SLC22A25: variants seen among roughly 807,000 people sequenced by gnomAD.
SLC22A25 encodes solute carrier family 22 member 25.
A neutral mutation model predicts 45.9 loss-of-function variants in SLC22A25; 44 were observed. That is an observed-to-expected ratio of 0.96 (90% CI 0.75 to 1.23). The LOEUF (loss-of-function observed/expected upper bound fraction) is 1.23. Ranked by LOEUF, SLC22A25 falls within the 50% of genes most tolerant of loss-of-function variation. The pLI, the probability that SLC22A25 is intolerant of heterozygous loss-of-function variation, is 0.00. For synonymous variants in SLC22A25, 283 were observed against 238.6 expected, an observed-to-expected ratio of 1.19 and a Z score of -1.72; for missense variants, 800 against 666.4, an observed-to-expected ratio of 1.20 and a Z score of -2.21.
intron 4 of SLC22A25, 120 bp from the exon 5 acceptor site, chr11:63,228,684 A>G: frequency 2.9e-6 from 2 of 695,380 alleles, no homozygotes; most frequent in Non-Finnish European, 4.8e-6. Flanking sequence ...CCTTTTCTGC[A>G]TTACCTGATA....
chr11:63,178,356 A>G (rs2088192910), intron 9 of SLC22A25, among the ~76,000 whole-genome samples: 1 of 152,120 alleles, frequency 6.6e-6, no homozygotes, highest in African/African-American at 2.4e-5. Flanking sequence ...GCTGGATAAT[A>G]TGGTATTTCC....
Position 63,162,847 on chromosome 11 carries a change from A to G in SLC22A25, c.*977T>C, listed in dbSNP as rs75865812. Among the ~76,000 whole-genome samples the G allele has an allele frequency of 0.047, 7,096 of 152,240 alleles. 557 individuals are homozygous for G. Among genetic ancestry groups the G allele is most frequent in the African/African-American group, 0.16 (6,653 of 41,504 alleles). On this transcript the variant is annotated 3_prime_UTR_variant, in exon 12 of 12. Coordinates refer to ENST00000306494, the MANE Select transcript of SLC22A25 (RefSeq NM_199352.6). ...TTCTAAATTTTAGTAGTATCTAGAA[A>G]TGGTCTCGATTTTTCCTTTATCTTG...
chr11:63,233,805 G>C (rs1271429316), intron 3 of SLC22A25, among the ~76,000 whole-genome samples: 2 of 152,072 alleles, frequency 1.3e-5, no homozygotes, highest in African/African-American at 2.4e-5. Context: ...ACACTGCTTT[G>C]AATGTGTCCC....
chr11:63,186,486 C>G (rs113410037), intron 7 of SLC22A25, among the ~76,000 whole-genome samples: 58,941 of 143,164 alleles, frequency 0.41, 10,096 homozygotes, highest in East Asian at 0.5. Context: ...TTCTCCCATT[C>G]TGTAGGTTGC....
chr11:63,189,262 G>C (rs533013766), intron 7 of SLC22A25, among the ~76,000 whole-genome samples: 3 of 152,168 alleles, frequency 2.0e-5, no homozygotes, highest in African/African-American at 4.8e-5. Context: ...AGGATAGTTA[G>C]CTCTTCTTGT....
chr11:63,166,843 G>C (rs1321544142), intron 9 of SLC22A25: 1 of 985,110 alleles, frequency 1.0e-6, no homozygotes, highest in Admixed American at 6.2e-5. Flanking sequence ...CTTCATTATG[G>C]TTTTATTTTT....
chr11:63,193,258 T>C (rs553761512), intron 7 of SLC22A25, among the ~76,000 whole-genome samples: 1 of 150,250 alleles, frequency 6.7e-6, no homozygotes, highest in South Asian at 2.1e-4. Flanking sequence ...GATTTCTGTA[T>C]ATCCAACTGA....
At chr11:63,204,988 G>A (rs908007187) in intron 7 of SLC22A25, among the ~76,000 whole-genome samples, 1 of 152,082 alleles carries the variant, frequency 6.6e-6, no homozygotes, top group Non-Finnish European at 1.5e-5. Context: ...AATCAAATTA[G>A]AACTCAGGAT....
intron 7 of SLC22A25, among the ~76,000 whole-genome samples, chr11:63,213,894 C>T (rs1443281530): frequency 6.6e-6 from 1 of 152,162 alleles, no homozygotes; most frequent in African/African-American, 2.4e-5. Context: ...AGTAGTGATC[C>T]AACACTCGGT....
chr11:63,164,061 A>T lies in SLC22A25; in HGVS notation c.1407T>A (p.Thr469=), dbSNP rs1472847738. The T allele has an allele frequency of 9.4e-6, 15 of 1,598,692 alleles. No homozygotes were observed. Among genetic ancestry groups the T allele is most frequent in the Non-Finnish European group, 1.3e-5 (15 of 1,172,370 alleles). The part of the protein sequence containing the change: ...LIPSIIRGRA[T]GITGNFANIG... The stretch of plus-strand genomic sequence containing the variant: ...TATTAGCAAAGTTTCCAGTGATTCC[A>T]GTAGCTCTTCCCCTTGGAGTAAAAA... Residue 469 remains threonine, a synonymous_variant, in exon 12 of 12, where the codon ACT becomes ACA. Transcript: ENST00000306494.
intron 9 of SLC22A25, among the ~76,000 whole-genome samples, chr11:63,176,568 A>C (rs1364411638): frequency 6.6e-6 from 1 of 152,002 alleles, no homozygotes; most frequent in Admixed American, 6.6e-5. Flanking sequence ...TCCTTCAACT[A>C]GATTGCATTT....
chr11:63,166,365 G>T (rs2087685388), intron 9 of SLC22A25, 107 bp from the exon 10 acceptor site: 1 of 1,474,664 alleles, frequency 6.8e-7, no homozygotes, highest in Admixed American at 2.6e-5. Context: ...AAGTAAAAAG[G>T]CAGAGTGTGT....
chr11:63,176,611 T>C (rs1182160799), intron 9 of SLC22A25, among the ~76,000 whole-genome samples: 1 of 152,036 alleles, frequency 6.6e-6, no homozygotes, highest in Non-Finnish European at 1.5e-5. Flanking sequence ...GTGTGTGTAA[T>C]CTTTAGGATT....
chr11:63,218,378 T>C (rs1199472811), intron 5 of SLC22A25, among the ~76,000 whole-genome samples: 1 of 152,162 alleles, frequency 6.6e-6, no homozygotes, highest in African/African-American at 2.4e-5. Flanking sequence ...GAAAAGGGTT[T>C]GAGAAACTAC....
chr11:63,240,775 A>G (rs919600071), intron 1 of SLC22A25, among the ~76,000 whole-genome samples: 25 of 152,190 alleles, frequency 1.6e-4, no homozygotes, highest in Non-Finnish European at 3.2e-4. Flanking sequence ...GTCTCACTAG[A>G]AGGTCTTCTG....
At chr11:63,199,569 A>G (rs1279036968) in intron 7 of SLC22A25, among the ~76,000 whole-genome samples, 1 of 151,998 alleles carries the variant, frequency 6.6e-6, no homozygotes, top group Non-Finnish European at 1.5e-5. Context: ...CTCCTCACTT[A>G]GCTGCCCTCA....
At position 63,163,685 on chromosome 11, in the gene SLC22A25, CAG is replaced by C; in HGVS notation, c.*137_*138del. ...ATGGTCTGTGTGATCTAGTGAGGCT[CAG>C]GGGATGTATGAGGTCACTGTGGAAG... On this transcript the variant is annotated 3_prime_UTR_variant, in exon 12 of 12. Transcript: ENST00000306494. The C allele has an allele frequency of 8.1e-7, 1 of 1,229,408 alleles. No individual in the cohort carries two copies. The highest frequency in any genetic ancestry group is 1.1e-6 in the Non-Finnish European group (1 of 895,962). The allele number at this position is 1,229,408 out of a possible 1,614,324, so 76.2% of individuals were successfully genotyped here.
chr11:63,222,901 C>A (rs2089883784), intron 5 of SLC22A25, among the ~76,000 whole-genome samples: 1 of 151,868 alleles, frequency 6.6e-6, no homozygotes, highest in South Asian at 2.1e-4. Context: ...TTCTGTCCTT[C>A]ATTCTATTGA....
At chr11:63,164,223 C>G in intron 11 of SLC22A25, 150 bp from the exon 12 acceptor site, 1 of 1,134,688 alleles carries the variant, frequency 8.8e-7, no homozygotes, top group Non-Finnish European at 1.2e-6. Context: ...TATTTGCTAG[C>G]AATTTATTTT....
Sources: allele counts gnomAD v4.1 joint callset (sites outside exome capture counted in the v4.1 genomes callset), GRCh38; gene constraint gnomAD v4.1.1; transcripts MANE v1.5; gene names NCBI Gene and HGNC (gene_info 2026-07-23, HGNC 2026-07-21).